DYNLT2B: variants seen among roughly 807,000 people sequenced by gnomAD.
The protein encoded by DYNLT2B is dynein light chain Tctex-type 2B, also known as dynein light chain Tctex-type protein 2B.
DYNLT2B carries 14 observed loss-of-function variants against 19.5 expected under a neutral mutation model. That is an observed-to-expected ratio of 0.72 (90% CI 0.47 to 1.12). The LOEUF (loss-of-function observed/expected upper bound fraction) is 1.12. DYNLT2B is among the 50% of genes most tolerant of loss of function. DYNLT2B has a pLI of 0.00. For synonymous variants in DYNLT2B, 70 were observed against 59.7 expected, an observed-to-expected ratio of 1.17 and a Z score of -0.79; for missense variants, 133 against 174.7, an observed-to-expected ratio of 0.76 and a Z score of 1.35.
intron 3 of DYNLT2B, 93 bp downstream of exon 3, chr3:196,306,850 C>G: frequency 8.3e-7 from 1 of 1,197,980 alleles, no homozygotes; most frequent in Non-Finnish European, 1.2e-6. Context: ...CCTTCTCACT[C>G]TTGTAAAGGC....
intron 2 of DYNLT2B, among the ~76,000 whole-genome samples, chr3:196,313,969 T>C (rs1474059733): frequency 6.6e-6 from 1 of 151,474 alleles, no homozygotes; most frequent in African/African-American, 2.4e-5. Flanking sequence ...ATGGTGGCAC[T>C]TGCCTGTAAT....
rs150947676 is a variant in DYNLT2B, at chr3:196,316,136, G to A, written c.209C>T (p.Thr70Ile). The change falls in exon 2 of 5, where the codon ACA becomes ATA. Residue 70 changes from threonine to isoleucine, a missense_variant. Thr to Ile is a moderately conservative substitution (Grantham distance 89, BLOSUM62 -1). Transcript: ENST00000325318. ...EYSPEEMPQL[T>I]KHLSENIKDK... ...TTTAATGTTTTCTGATAAATGTTTT[G>A]TAAGCTGAGGCATTTCTTCTGGAGA... 6.2e-7 allele frequency: 1 copy of A among 1,613,508 alleles called. No homozygotes were observed. Among genetic ancestry groups the A allele is most frequent in the Non-Finnish European group, 8.5e-7 (1 of 1,179,732 alleles).
Position 196,314,503 on chromosome 3 carries a change from C to T in DYNLT2B, c.247+1595G>A, listed in dbSNP as rs535785216. 3.4e-5 allele frequency among the ~76,000 whole-genome samples: 5 copies of T among 149,086 alleles called. No homozygotes were observed. In the East Asian group the frequency reaches 5.9e-4, roughly 18 times the overall value. ...AAAAAAAAGAACTTTTCAGATCAGACGGTATAACATTATTAACAAAAGAGA... is the reference window on the plus strand; with the variant it reads ...AAAAAAAAGAACTTTTCAGATCAGATGGTATAACATTATTAACAAAAGAGA... On this transcript the variant is annotated intron_variant, in intron 2 of 4. Coordinates refer to ENST00000325318, the MANE Select transcript of DYNLT2B (RefSeq NM_152773.5).
intron 4 of DYNLT2B, among the ~76,000 whole-genome samples, chr3:196,295,640 TA>T (rs1726204318): frequency 6.6e-6 from 1 of 152,240 alleles, no homozygotes; most frequent in South Asian, 2.1e-4. Flanking sequence ...TAAGTGATTT[TA>T]AAATTTTAGT....
At chr3:196,316,672 C>A (rs1726803886) in intron 1 of DYNLT2B, among the ~76,000 whole-genome samples, 2 of 152,132 alleles carry the variant, frequency 1.3e-5, no homozygotes, top group Non-Finnish European at 2.9e-5. Flanking sequence ...GTTCATTCTA[C>A]CCAAGGGAAA....
intron 3 of DYNLT2B, among the ~76,000 whole-genome samples, chr3:196,298,533 C>CA (rs1441737051): frequency 6.6e-6 from 1 of 151,980 alleles, no homozygotes; most frequent in Non-Finnish European, 1.5e-5. Context: ...AGGCTGGTCT[C>CA]AAACTCCTGA....
chr3:196,315,549 C>T (rs1726763329), intron 2 of DYNLT2B, among the ~76,000 whole-genome samples: 1 of 151,722 alleles, frequency 6.6e-6, no homozygotes, highest in Non-Finnish European at 1.5e-5. Flanking sequence ...GCGTGAGCCA[C>T]TGCGCCCGGC....
rs183355098 is a variant in DYNLT2B, at chr3:196,316,274, A to G, written c.114-43T>C. On this transcript the variant is annotated intron_variant, in intron 1 of 4. Transcript: ENST00000325318. ...TGAACATCCAGTCGGTGACTCCACA[A>G]CCCCAGCTTACCTTCATACCGCAAC... 1.3e-4 allele frequency: 204 copies of G among 1,559,298 alleles called. 1 individual carries two copies. In the African/African-American group the frequency reaches 2.4e-3, roughly 19 times the overall value.
intron 3 of DYNLT2B, among the ~76,000 whole-genome samples, chr3:196,301,980 G>A (rs375095419): frequency 1.3e-5 from 2 of 152,018 alleles, no homozygotes; most frequent in African/African-American, 2.4e-5. Context: ...GGTGGCTCAC[G>A]CCTGTAGTCT....
chr3:196,301,502 C>A (rs974834656), intron 3 of DYNLT2B, among the ~76,000 whole-genome samples: 2 of 152,136 alleles, frequency 1.3e-5, no homozygotes, highest in African/African-American at 4.8e-5. Context: ...CACTTGAGAT[C>A]AGGAGTTCCA....
intron 3 of DYNLT2B, 88 bp downstream of exon 3, chr3:196,306,855 A>G: frequency 8.1e-7 from 1 of 1,233,242 alleles, no homozygotes; most frequent in Admixed American, 1.8e-5. Flanking sequence ...TCACTCTTGT[A>G]AAGGCACTCT....
At chr3:196,309,492 T>G (rs1314652218) in intron 2 of DYNLT2B, among the ~76,000 whole-genome samples, 1 of 152,060 alleles carries the variant, frequency 6.6e-6, no homozygotes, top group Non-Finnish European at 1.5e-5. Flanking sequence ...CTCGAACTCC[T>G]GACCTCAGGT....
chr3:196,300,399 C>T (rs1349274944), intron 3 of DYNLT2B, among the ~76,000 whole-genome samples: 1 of 152,086 alleles, frequency 6.6e-6, no homozygotes. Context: ...AATGAACATT[C>T]GAGGTTCTTG....
In DYNLT2B at chr3:196,295,914, G is replaced by A. The variant is rs565857884; in HGVS notation, c.381+92C>T. 1.6e-4 allele frequency: 166 copies of A among 1,018,556 alleles called. 5 individuals carry two copies. In the South Asian group the frequency reaches 2.3e-3, roughly 14 times the overall value. 63.1% of individuals were successfully genotyped at this position (1,018,556 alleles called of 1,614,324 possible). ...AAGTCAAAGATGAATGACTAAGACA[G>A]CAGTGTCTTTCCATCCCAATCAACA... On this transcript the variant is annotated intron_variant, in intron 4 of 4. Coordinates refer to ENST00000325318, the MANE Select transcript of DYNLT2B (RefSeq NM_152773.5).
intron 3 of DYNLT2B, among the ~76,000 whole-genome samples, chr3:196,301,236 G>A (rs1373466689): frequency 6.6e-6 from 1 of 152,206 alleles, no homozygotes. Context: ...GCAGAAGAGA[G>A]AGTTAAGTCC....
Position 196,316,236 on chromosome 3 carries a change from A to G in DYNLT2B, c.114-5T>C. 1 of 1,602,078 alleles carries G rather than the reference A, an allele frequency of 6.2e-7. No individual in the cohort carries two copies. Among genetic ancestry groups the G allele is most frequent in the Non-Finnish European group, 8.5e-7 (1 of 1,174,128 alleles). ...TTAACCACAGAGGGCCTGAACCTGA[A>G]TGGAACAATTTGTGAACATCCAGTC... is the stretch of plus-strand genomic sequence containing the variant. On this transcript the variant is annotated splice_region_variant and splice_polypyrimidine_tract_variant and intron_variant, in intron 1 of 4. Coordinates refer to ENST00000325318, the MANE Select transcript of DYNLT2B (RefSeq NM_152773.5).
rs557394989 is a variant in DYNLT2B, at chr3:196,296,184, C to T, written c.318-115G>A. Reference sequence around the variant, plus strand: ...ATTCTCATAGATCTGTACTTCCAAACCTTTCACAGGTAGGTACCCACAGAG... The same window carrying T: ...ATTCTCATAGATCTGTACTTCCAAATCTTTCACAGGTAGGTACCCACAGAG... On this transcript the variant is annotated intron_variant, in intron 3 of 4. Coordinates refer to ENST00000325318, the MANE Select transcript of DYNLT2B (RefSeq NM_152773.5). The T allele has an allele frequency of 4.9e-5, 43 of 876,804 alleles. No homozygotes were observed. In the East Asian group the frequency reaches 8.9e-4, roughly 18 times the overall value. 54.3% of individuals were successfully genotyped at this position (876,804 alleles called of 1,614,324 possible).
intron 3 of DYNLT2B, 32 bp downstream of exon 3, chr3:196,306,911 A>G: frequency 6.3e-7 from 1 of 1,587,560 alleles, no homozygotes; most frequent in Non-Finnish European, 8.6e-7. Flanking sequence ...AATATAGATG[A>G]CTAAAACAAG....
At chr3:196,306,261 A>G (rs1281469804) in intron 3 of DYNLT2B, among the ~76,000 whole-genome samples, 1 of 150,192 alleles carries the variant, frequency 6.7e-6, no homozygotes, top group East Asian at 2.0e-4. Flanking sequence ...AAAAAAAAAA[A>G]AAAAGAAAGA....
Sources: gnomAD v4.1 joint callset for allele counts (sites outside exome capture counted in the v4.1 genomes callset) on GRCh38, gnomAD v4.1.1 for gene constraint, MANE v1.5 for transcripts, NCBI Gene and HGNC (gene_info 2026-07-23, HGNC 2026-07-21) for gene names.